PANX1: variants seen among roughly 807,000 people sequenced by gnomAD.
PANX1 encodes pannexin 1, also known as pannexin-1.
A neutral mutation model predicts 38.7 loss-of-function variants in PANX1; 30 were observed. The observed-to-expected ratio is 0.78, with a 90% CI of 0.58 to 1.05. The LOEUF (loss-of-function observed/expected upper bound fraction) is 1.05. Among genes scored for constraint, PANX1 ranks in the 50% least tolerant of loss-of-function variants. The pLI is 0.00. For synonymous variants in PANX1, 230 were observed against 212.2 expected, an observed-to-expected ratio of 1.08 and a Z score of -0.73; for missense variants, 551 against 517.2, an observed-to-expected ratio of 1.07 and a Z score of -0.63.
intron 1 of PANX1, among the ~76,000 whole-genome samples, chr11:94,131,722 A>G (rs1946631696): frequency 6.6e-6 from 1 of 152,224 alleles, no homozygotes; most frequent in South Asian, 2.1e-4. Flanking sequence ...ATACATTTAG[A>G]TAAAACCAGA....
intron 2 of PANX1, among the ~76,000 whole-genome samples, chr11:94,156,401 C>A (rs1212111665): frequency 6.6e-6 from 1 of 152,180 alleles, no homozygotes; most frequent in African/African-American, 2.4e-5. Flanking sequence ...AGAGCTCTTG[C>A]CAGATTCACA....
intron 1 of PANX1, among the ~76,000 whole-genome samples, chr11:94,152,356 A>G (rs1946891849): frequency 6.6e-6 from 1 of 152,220 alleles, no homozygotes; most frequent in Non-Finnish European, 1.5e-5. Context: ...TATTTTAGAG[A>G]TCCCAGGCTT....
Position 94,180,136 on chromosome 11 carries a change from G to T in PANX1, c.1080G>T (p.Gly360=), listed in dbSNP as rs373415904. 14 of 1,613,938 alleles carry T rather than the reference G, an allele frequency of 8.7e-6. No homozygotes were observed. Among genetic ancestry groups the T allele is most frequent in the Non-Finnish European group, 1.2e-5 (14 of 1,179,932 alleles). The change falls in exon 4 of 5, where the codon GGG becomes GGT. Residue 360 remains glycine (G), a synonymous_variant. Coordinates refer to ENST00000227638, the MANE Select transcript of PANX1 (RefSeq NM_015368.4). The part of the protein sequence containing the change: ...VLENIKSSGQ[G]IDPMLLLTNL... ...AGAATATTAAGAGCAGTGGTCAGGG[G>T]ATCGACCCAATGCTACTCCTGACAA...
Position 94,180,937 on chromosome 11 carries a change from CCT to C in PANX1, c.*69_*70del. On this transcript the variant is annotated 3_prime_UTR_variant, in exon 5 of 5. Transcript: ENST00000227638. Reference sequence around the variant, plus strand: ...TGGGATTTAATTTGGCTAAAGCACCCCTGTTGGTTTCACAGCTGGTTTGCAAT... The same window carrying C: ...TGGGATTTAATTTGGCTAAAGCACCCGTTGGTTTCACAGCTGGTTTGCAAT... The C allele has an allele frequency of 1.1e-6, 1 of 902,636 alleles. No homozygotes were observed. Among genetic ancestry groups the C allele is most frequent in the Non-Finnish European group, 1.9e-6 (1 of 536,004 alleles). The allele number at this position is 902,636 out of a possible 1,614,324, so 55.9% of individuals were successfully genotyped here.
Position 94,131,415 on chromosome 11 carries a change from T to G in PANX1, c.181+1922T>G, listed in dbSNP as rs531123649. ...TAGCACTGTTGTGTGCTGAGGGAGATGGGAAAGGATTTTGAGACCTTGTTC... is the reference window on the plus strand; with the variant it reads ...TAGCACTGTTGTGTGCTGAGGGAGAGGGGAAAGGATTTTGAGACCTTGTTC... On this transcript the variant is annotated intron_variant, in intron 1 of 4. Coordinates refer to ENST00000227638, the MANE Select transcript of PANX1 (RefSeq NM_015368.4). Among the ~76,000 whole-genome samples the G allele has an allele frequency of 1.4e-4, 22 of 152,270 alleles. No homozygotes were observed. In the South Asian group the frequency reaches 4.1e-3, roughly 29 times the overall value.
intron 2 of PANX1, among the ~76,000 whole-genome samples, chr11:94,164,524 T>A (rs1358529152): frequency 6.6e-6 from 1 of 152,232 alleles, no homozygotes; most frequent in Non-Finnish European, 1.5e-5. Context: ...TTGTCATTGA[T>A]TTCTGACCTT....
chr11:94,139,735 C>T (rs546797197), intron 1 of PANX1, among the ~76,000 whole-genome samples: 1 of 152,278 alleles, frequency 6.6e-6, no homozygotes, highest in African/African-American at 2.4e-5. Context: ...GAGAGGGTTC[C>T]GAGGGCATCC....
chr11:94,170,130 GT>G (rs1947148288), intron 2 of PANX1, among the ~76,000 whole-genome samples: 1 of 151,302 alleles, frequency 6.6e-6, no homozygotes, highest in African/African-American at 2.5e-5. Context: ...CATTTACATT[GT>G]TGCGAAACCA....
At chr11:94,166,439 G>A (rs74449068) in intron 2 of PANX1, among the ~76,000 whole-genome samples, 5,589 of 152,260 alleles carry the variant, frequency 0.037, 161 homozygotes, top group Middle Eastern at 0.078. Flanking sequence ...GATATTCTAG[G>A]TTGGAAGCTT....
At chr11:94,143,079 C>A (rs1946782368) in intron 1 of PANX1, among the ~76,000 whole-genome samples, 1 of 152,216 alleles carries the variant, frequency 6.6e-6, no homozygotes, top group Non-Finnish European at 1.5e-5. Context: ...CATTGTAAGT[C>A]CTTTTCATGT....
At chr11:94,165,632 C>T (rs1232525330) in intron 2 of PANX1, among the ~76,000 whole-genome samples, 5 of 152,108 alleles carry the variant, frequency 3.3e-5, no homozygotes, top group East Asian at 1.9e-4. Context: ...GTTATGTGGC[C>T]GGGCACAGTG....
intron 2 of PANX1, among the ~76,000 whole-genome samples, chr11:94,162,137 G>T (rs1016425360): frequency 3.9e-5 from 6 of 152,190 alleles, no homozygotes; most frequent in African/African-American, 1.2e-4. Flanking sequence ...CTACTGGGGG[G>T]TGCCTCCCAG....
At chr11:94,175,205 A>G (rs751825620) in intron 2 of PANX1, among the ~76,000 whole-genome samples, 1 of 151,570 alleles carries the variant, frequency 6.6e-6, no homozygotes, top group Non-Finnish European at 1.5e-5. Context: ...TTGGATTCTT[A>G]TTTCCTGTTT....
rs979395362 is a variant in PANX1 at position 94,178,240 on chromosome 11, T to G, written c.322-129T>G. On this transcript the variant is annotated intron_variant, in intron 2 of 4. Coordinates refer to ENST00000227638, the MANE Select transcript of PANX1 (RefSeq NM_015368.4). ...GAATTTAGCCATAAGAAGTAGTTATTAGGTAATGAGCCCAATTTCCACAAT... is the reference window on the plus strand; with the variant it reads ...GAATTTAGCCATAAGAAGTAGTTATGAGGTAATGAGCCCAATTTCCACAAT... 5.9e-6 allele frequency: 4 copies of G among 681,246 alleles called. No homozygotes were observed. The Admixed American group carries it at 9.4e-5, about 16-fold the overall frequency. The allele number at this position is 681,246 out of a possible 1,614,324, so 42.2% of individuals were successfully genotyped here.
chr11:94,177,593 T>C (rs898239705), intron 2 of PANX1, among the ~76,000 whole-genome samples: 1 of 152,236 alleles, frequency 6.6e-6, no homozygotes, highest in Non-Finnish European at 1.5e-5. Context: ...AGTCTTCTGC[T>C]GAGGCTAAGC....
intron 2 of PANX1, among the ~76,000 whole-genome samples, chr11:94,165,518 CTTT>C (rs1947093298): frequency 6.6e-6 from 1 of 152,040 alleles, no homozygotes; most frequent in African/African-American, 2.4e-5. Context: ...AAATTCTCAG[CTTT>C]TTATTTTTTG....
At chr11:94,129,517 G>A in intron 1 of PANX1, 24 bp downstream of exon 1, 4 of 1,586,750 alleles carry the variant, frequency 2.5e-6, no homozygotes, top group Non-Finnish European at 3.4e-6. Context: ...AGGACGGAGG[G>A]GAGTGGCCGC....
intron 2 of PANX1, among the ~76,000 whole-genome samples, chr11:94,161,981 C>T (rs1194563824): frequency 6.6e-6 from 1 of 152,294 alleles, no homozygotes; most frequent in African/African-American, 2.4e-5. Context: ...TGCCAGAGGT[C>T]CACTCCAGAC....
chr11:94,129,729 T>G (rs1946604432), intron 1 of PANX1, among the ~76,000 whole-genome samples: 1 of 152,208 alleles, frequency 6.6e-6, no homozygotes, highest in African/African-American at 2.4e-5. Context: ...CTCATGCCCC[T>G]CTGATCGGAC....
Sources: allele counts gnomAD v4.1 joint callset (sites outside exome capture counted in the v4.1 genomes callset), GRCh38; gene constraint gnomAD v4.1.1; transcripts MANE v1.5; gene names NCBI Gene and HGNC (gene_info 2026-07-23, HGNC 2026-07-21).